GRB10: variants seen among roughly 807,000 people sequenced by gnomAD.
GRB10 encodes the protein growth factor receptor bound protein 10.
A neutral mutation model predicts 80.9 loss-of-function variants in GRB10; 20 were observed. The ratio of observed to expected loss-of-function variants is 0.25; its 90% CI spans 0.17 to 0.36. The LOEUF is 0.36. GRB10 is among the 10% of genes least tolerant of loss of function. The pLI is 1.00. For synonymous variants in GRB10, 291 were observed against 291.5 expected, an observed-to-expected ratio of 1.00 and a Z score of 0.02; for missense variants, 548 against 747.7, an observed-to-expected ratio of 0.73 and a Z score of 3.12.
chr7:50,754,396 C>A (rs1562620858), intron 3 of GRB10, among the ~76,000 whole-genome samples: 1 of 152,204 alleles, frequency 6.6e-6, no homozygotes, highest in Non-Finnish European at 1.5e-5. Flanking sequence ...TCCATCCCAA[C>A]AGCACAGCCC....
chr7:50,655,969 C>G (rs989891180), intron 7 of GRB10, among the ~76,000 whole-genome samples: 1 of 152,236 alleles, frequency 6.6e-6, no homozygotes, highest in Non-Finnish European at 1.5e-5. Flanking sequence ...TAATGTGCCT[C>G]TATAAGGTGA....
At chr7:50,692,841 G>A (rs1196502911) in intron 5 of GRB10, among the ~76,000 whole-genome samples, 5 of 152,062 alleles carry the variant, frequency 3.3e-5, no homozygotes, top group African/African-American at 1.2e-4. Flanking sequence ...TGTGCAGGGT[G>A]GCTCCTCTAA....
At chr7:50,638,977 T>G (rs1286230914) in intron 7 of GRB10, among the ~76,000 whole-genome samples, 3 of 152,188 alleles carry the variant, frequency 2.0e-5, no homozygotes, top group Non-Finnish European at 4.4e-5. Flanking sequence ...TTAAGTGAAT[T>G]AACTCAGAAA....
intron 12 of GRB10, 95 bp downstream of exon 12, chr7:50,614,675 C>T: frequency 8.5e-6 from 7 of 820,510 alleles, no homozygotes; most frequent in Non-Finnish European, 8.7e-6. Flanking sequence ...CTGTTGAAGA[C>T]AATAGAAGCA....
chr7:50,682,619 T>C (rs192831533), intron 5 of GRB10, among the ~76,000 whole-genome samples: 15 of 152,354 alleles, frequency 9.8e-5, no homozygotes, highest in African/African-American at 3.6e-4. Flanking sequence ...ATATACTACT[T>C]TGTTTCTGTA....
At chr7:50,743,871 C>A (rs751030543) in intron 3 of GRB10, among the ~76,000 whole-genome samples, 1 of 152,136 alleles carries the variant, frequency 6.6e-6, no homozygotes, top group Non-Finnish European at 1.5e-5. Context: ...TGATCTGAGA[C>A]CCAGAAAGTC....
At chr7:50,642,653 AGTAAGT>A (rs1276158573) in intron 7 of GRB10, among the ~76,000 whole-genome samples, 1 of 152,228 alleles carries the variant, frequency 6.6e-6, no homozygotes, top group Non-Finnish European at 1.5e-5. Flanking sequence ...ATACTCAGCT[AGTAAGT>A]GTACTGCAAA....
intron 4 of GRB10, among the ~76,000 whole-genome samples, chr7:50,725,020 G>A (rs772683384): frequency 7.2e-5 from 11 of 152,134 alleles, no homozygotes; most frequent in African/African-American, 2.7e-4. Context: ...AAACACTCCC[G>A]GCAAGGTAGC....
chr7:50,765,673 TA>T (rs1398152141), intron 2 of GRB10, among the ~76,000 whole-genome samples: 3 of 152,180 alleles, frequency 2.0e-5, no homozygotes, highest in Non-Finnish European at 4.4e-5. Context: ...AAAAGTTGAT[TA>T]ATGAGTACAA....
intron 2 of GRB10, among the ~76,000 whole-genome samples, chr7:50,769,176 T>C (rs1039347888): frequency 2.6e-5 from 4 of 152,252 alleles, no homozygotes; most frequent in African/African-American, 9.6e-5. Flanking sequence ...ACTCTTAGCA[T>C]TTCATTACAC....
At chr7:50,690,359 G>C (rs1250222847) in intron 5 of GRB10, among the ~76,000 whole-genome samples, 3 of 151,946 alleles carry the variant, frequency 2.0e-5, no homozygotes, top group Non-Finnish European at 4.4e-5. Context: ...GTTAATTTAG[G>C]CAAAGTACAA....
intron 3 of GRB10, 96 bp from the exon 4 acceptor site, chr7:50,732,464 G>T: frequency 1.3e-6 from 1 of 780,742 alleles, no homozygotes; most frequent in Non-Finnish European, 2.2e-6. Context: ...TGAATGGGCA[G>T]CTCTTGGTCT....
At chr7:50,619,340 CT>C in intron 8 of GRB10, 55 bp from the exon 9 acceptor site, 1 of 977,150 alleles carries the variant, frequency 1.0e-6, no homozygotes, top group Non-Finnish European at 1.7e-6. Flanking sequence ...TTCATGGTAG[CT>C]TTACAACCAA....
rs2046456418 is a variant in GRB10, at chr7:50,595,438, G to C, written c.1637C>G (p.Pro546Arg). 6.6e-7 allele frequency: 1 copy of C among 1,504,070 alleles called. No individual in the cohort carries two copies. The highest frequency in any genetic ancestry group is 1.4e-5 in the African/African-American group (1 of 72,708). The allele number at this position is 1,504,070 out of a possible 1,614,324, so 93.2% of individuals were successfully genotyped here. Residue 546 changes from proline to arginine, a missense_variant and splice_region_variant, in exon 18 of 19, where the codon CCT (proline) becomes CGT (arginine). Coordinates refer to ENST00000401949, the MANE Select transcript of GRB10 (RefSeq NM_001350814.2). ...HQKIKNFQIL[P>R]CEDDGQTFFS... ...TGGTCTGAGAACATCAATACTTACAGGTAAGATCTGGAAATTTTTAATTTT... is the reference window on the plus strand; with the variant it reads ...TGGTCTGAGAACATCAATACTTACACGTAAGATCTGGAAATTTTTAATTTT...
At chr7:50,607,865 A>G (rs2048812098) in intron 13 of GRB10, among the ~76,000 whole-genome samples, 1 of 152,152 alleles carries the variant, frequency 6.6e-6, no homozygotes, top group African/African-American at 2.4e-5. Flanking sequence ...CATTCCAACC[A>G]TGTGGAGAAG....
chr7:50,703,728 A>G, intron 5 of GRB10, 93 bp downstream of exon 5: 2 of 859,652 alleles, frequency 2.3e-6, no homozygotes, highest in Admixed American at 3.5e-5. Flanking sequence ...ATTGTAATCT[A>G]TTAGTGTCAA....
intron 8 of GRB10, among the ~76,000 whole-genome samples, chr7:50,625,945 T>C (rs190333095): frequency 6.6e-6 from 1 of 152,384 alleles, no homozygotes; most frequent in East Asian, 1.9e-4. Flanking sequence ...AAAAGGTTCA[T>C]GAGAAAAATT....
chr7:50,710,956 T>G, intron 4 of GRB10: 1 of 1,519,086 alleles, frequency 6.6e-7, no homozygotes, highest in Non-Finnish European at 9.1e-7. Context: ...CGTGGCTGTG[T>G]CCTCAGCCTG....
At chr7:50,751,449 A>G (rs935508982) in intron 3 of GRB10, among the ~76,000 whole-genome samples, 1 of 152,216 alleles carries the variant, frequency 6.6e-6, no homozygotes, top group African/African-American at 2.4e-5. Flanking sequence ...TGAAATATTG[A>G]TAGACGAATC....
Sources: allele counts gnomAD v4.1 joint callset (sites outside exome capture counted in the v4.1 genomes callset), GRCh38; gene constraint gnomAD v4.1.1; transcripts MANE v1.5; gene names NCBI Gene and HGNC (gene_info 2026-07-23, HGNC 2026-07-21).